Variants in DIAPH2 observed in about 807,000 individuals in gnomAD.
DIAPH2 encodes protein diaphanous homolog 2.
Under a neutral mutation model 92.7 loss-of-function variants are expected in DIAPH2, and 35 were observed. The observed-to-expected ratio is 0.38, with a 90% CI of 0.29 to 0.50. The LOEUF (loss-of-function observed/expected upper bound fraction) is 0.50, where lower values mean the gene tolerates loss of function less well. Ranked by LOEUF, DIAPH2 falls within the 20% of genes least tolerant of loss-of-function variation. The pLI, the probability that DIAPH2 is intolerant of heterozygous loss-of-function variation, is 0.94. For synonymous variants in DIAPH2, 301 were observed against 280.4 expected, an observed-to-expected ratio of 1.07 and a Z score of -0.73; for missense variants, 701 against 819.5, an observed-to-expected ratio of 0.86 and a Z score of 1.77.
At chrX:96,882,399 A>T (rs1043655085) in intron 5 of DIAPH2, among the ~76,000 whole-genome samples, 1 of 111,409 alleles carries the variant, frequency 9.0e-6, no homozygotes, top group Non-Finnish European at 1.9e-5. Flanking sequence ...ATGTTCTTCT[A>T]TAAGTTTTAG....
intron 22 of DIAPH2, among the ~76,000 whole-genome samples, chrX:97,228,225 C>T (rs766307642): frequency 8.4e-4 from 94 of 111,387 alleles, no homozygotes; most frequent in Middle Eastern, 4.7e-3. Flanking sequence ...ATAATTAAAT[C>T]CTGCCCCTGA....
At chrX:97,108,263 C>T (rs1043359141) in intron 20 of DIAPH2, among the ~76,000 whole-genome samples, 1 of 110,710 alleles carries the variant, frequency 9.0e-6, no homozygotes. Context: ...ACAAATAAAT[C>T]CCCTACATAA....
intron 3 of DIAPH2, 56 bp downstream of exon 3, chrX:96,738,818 A>C: frequency 9.9e-7 from 1 of 1,012,173 alleles, no homozygotes; most frequent in African/African-American, 1.9e-5. Context: ...CCAGAATAGC[A>C]CTGAGTTTTA....
chrX:97,601,911 A>AT lies in DIAPH2; in HGVS notation c.*2600dup, dbSNP rs1021887742. The stretch of plus-strand genomic sequence containing the variant: ...CGTCCACCTTTTGGTGGCTATTGGC[A>AT]TTTTTTGGCTTATGGCCACATTTCT... On this transcript the variant is annotated 3_prime_UTR_variant, in exon 27 of 27. Transcript: ENST00000324765. 3.6e-5 allele frequency: 4 copies of AT among 111,957 alleles called. No individual in the cohort carries two copies. Among genetic ancestry groups the AT allele is most frequent in the African/African-American group, 6.5e-5 (2 of 30,773 alleles). The allele number at this position is 111,957 out of a possible 1,213,427, so 9.2% of individuals were successfully genotyped here.
At chrX:97,252,223 C>G (rs868560343) in intron 23 of DIAPH2, among the ~76,000 whole-genome samples, 4 of 111,689 alleles carry the variant, frequency 3.6e-5, no homozygotes, top group Admixed American at 9.6e-5. Context: ...TTTTCTGTTG[C>G]CCAAAATCAG....
At chrX:96,734,345 C>G (rs1465840335) in intron 1 of DIAPH2, among the ~76,000 whole-genome samples, 1 of 111,819 alleles carries the variant, frequency 8.9e-6, no homozygotes, top group Non-Finnish European at 1.9e-5. Flanking sequence ...CACATGTGGA[C>G]AAGCGCACAT....
At chrX:97,249,279 A>G (rs2068167565) in intron 23 of DIAPH2, among the ~76,000 whole-genome samples, 1 of 111,428 alleles carries the variant, frequency 9.0e-6, no homozygotes, top group Admixed American at 9.6e-5. Context: ...AGTAATTTCA[A>G]ACCCTCATGA....
chrX:96,936,277 A>C (rs1430676997), intron 10 of DIAPH2, among the ~76,000 whole-genome samples: 1 of 111,724 alleles, frequency 9.0e-6, no homozygotes, highest in Non-Finnish European at 1.9e-5. Flanking sequence ...TTACATCTCT[A>C]TAATAGTTCT....
chrX:97,117,520 T>G (rs1418068990), intron 21 of DIAPH2, among the ~76,000 whole-genome samples: 1 of 112,103 alleles, frequency 8.9e-6, no homozygotes, highest in Non-Finnish European at 1.9e-5. Context: ...CTCTCCTAAA[T>G]TTTTCTAATG....
chrX:97,351,612 G>T (rs896129754), intron 24 of DIAPH2, among the ~76,000 whole-genome samples: 1 of 110,848 alleles, frequency 9.0e-6, no homozygotes, highest in Non-Finnish European at 1.9e-5. Flanking sequence ...TCAAGAGATC[G>T]AGACCACGGT....
intron 4 of DIAPH2, among the ~76,000 whole-genome samples, chrX:96,789,579 G>A (rs955043723): frequency 4.5e-5 from 5 of 112,154 alleles, no homozygotes; most frequent in Admixed American, 3.8e-4. Context: ...AAACTGTATG[G>A]CATTTCTTTC....
At chrX:97,385,962 CAG>C (rs1395643069) in intron 25 of DIAPH2, among the ~76,000 whole-genome samples, 1 of 111,744 alleles carries the variant, frequency 8.9e-6, no homozygotes, top group African/African-American at 3.3e-5. Context: ...AGTGTGTAAC[CAG>C]AGTTAATTAT....
intron 22 of DIAPH2, among the ~76,000 whole-genome samples, chrX:97,161,061 T>G (rs1169604516): frequency 9.5e-6 from 1 of 105,550 alleles, no homozygotes; most frequent in Non-Finnish European, 2.0e-5. Context: ...GTTTTTTTTT[T>G]TTTTTTCCTC....
chrX:97,348,522 T>C (rs1010714577), intron 24 of DIAPH2, among the ~76,000 whole-genome samples: 2 of 112,042 alleles, frequency 1.8e-5, no homozygotes, highest in African/African-American at 6.5e-5. Context: ...GGGAAATGTT[T>C]TACTGAAATT....
In DIAPH2 at chrX:96,837,581, G is replaced by A. The variant is rs771961503; in HGVS notation, c.448-43998G>A. On this transcript the variant is annotated intron_variant, in intron 4 of 26. Transcript: ENST00000324765. ...TGAGCAATTCAGCTCCACTGGGGCA[G>A]GAACTATGTTTTCTTTATTCCTCCC... Among the ~76,000 whole-genome samples the A allele has an allele frequency of 4.8e-3, 529 of 110,809 alleles. 3 individuals carry two copies. The highest frequency in any genetic ancestry group is 7.6e-3 in the Non-Finnish European group (400 of 52,946).
chrX:96,760,795 T>C (rs1162754683), intron 4 of DIAPH2, among the ~76,000 whole-genome samples: 1 of 111,385 alleles, frequency 9.0e-6, no homozygotes, highest in African/African-American at 3.2e-5. Flanking sequence ...GCTTAGTTTT[T>C]TCTTCTCGAA....
chrX:97,020,996 A>G (rs1270571899), intron 17 of DIAPH2, among the ~76,000 whole-genome samples: 1 of 111,612 alleles, frequency 9.0e-6, no homozygotes, highest in Non-Finnish European at 1.9e-5. Context: ...CCTACTGACA[A>G]ATATTATTAT....
chrX:97,174,607 C>A (rs1602392224), intron 22 of DIAPH2, among the ~76,000 whole-genome samples: 1 of 111,865 alleles, frequency 8.9e-6, no homozygotes, highest in African/African-American at 3.2e-5. Context: ...GCCTCTAAAG[C>A]TGTTTTCCCA....
intron 21 of DIAPH2, among the ~76,000 whole-genome samples, chrX:97,125,664 T>A (rs2067089458): frequency 9.1e-6 from 1 of 110,412 alleles, no homozygotes; most frequent in Admixed American, 9.7e-5. Flanking sequence ...TAAATACAGA[T>A]ACATTTTCAG....
Sources: allele counts gnomAD v4.1 joint callset (sites outside exome capture counted in the v4.1 genomes callset), GRCh38; gene constraint gnomAD v4.1.1; transcripts MANE v1.5; gene names NCBI Gene and HGNC (gene_info 2026-07-23, HGNC 2026-07-21).